The following TRIM25 variants were observed in gnomAD, a reference collection of about 807,000 sequenced individuals.
The protein encoded by TRIM25 is E3 ubiquitin/ISG15 ligase TRIM25.
TRIM25 carries 45 observed loss-of-function variants against 65.2 expected under a neutral mutation model. The observed-to-expected ratio is 0.69, with a 90% CI of 0.54 to 0.89. The LOEUF (loss-of-function observed/expected upper bound fraction) is 0.89, where lower values mean the gene tolerates loss of function less well. TRIM25 is among the 40% of genes least tolerant of loss of function. The pLI, the probability that TRIM25 is intolerant of heterozygous loss-of-function variation, is 0.00. For synonymous variants in TRIM25, 321 were observed against 340.4 expected (o/e 0.94, Z 0.63); for missense variants, 714 against 803.7 (o/e 0.89, Z 1.35).
intron 4 of TRIM25, among the ~76,000 whole-genome samples, chr17:56,900,780 C>G (rs1373674559): frequency 6.6e-6 from 1 of 152,160 alleles, no homozygotes; most frequent in Admixed American, 6.5e-5. Context: ...GCATCTAGAC[C>G]AGGGTCAAGG....
At chr17:56,900,213 C>A (rs1294816270) in intron 4 of TRIM25, among the ~76,000 whole-genome samples, 5 of 145,410 alleles carry the variant, frequency 3.4e-5, no homozygotes, top group African/African-American at 2.5e-5. Flanking sequence ...GACTCCGTCT[C>A]AAAAAAAAAA....
chr17:56,904,912 C>T (rs941380068), intron 2 of TRIM25, among the ~76,000 whole-genome samples: 1 of 152,136 alleles, frequency 6.6e-6, no homozygotes, highest in South Asian at 2.1e-4. Context: ...GAGAGAAAAA[C>T]AACTTGCAGA....
rs140281156 is a variant in TRIM25, at chr17:56,895,882, G to A, written c.1180+44C>T. On this transcript the variant is annotated intron_variant, in intron 6 of 8. Coordinates refer to ENST00000316881, the MANE Select transcript of TRIM25 (RefSeq NM_005082.5). ...ACTACCAGCATTTAGTTCTGTGCTC[G>A]GGCAGTCTCAAGAAACGAACAGTTG... 552 of 1,607,398 alleles carry A rather than the reference G, an allele frequency of 3.4e-4. 1 individual carries two copies. Among genetic ancestry groups the A allele is most frequent in the Non-Finnish European group, 4.2e-4 (495 of 1,177,434 alleles).
chr17:56,913,779 G>A lies in TRIM25; in HGVS notation c.210C>T (p.Cys70=), dbSNP rs756673276. ...CCTGCAGGAACTGCTCCACCACGTT[G>A]CACAGCACCGTGTTCTTGTGCAGCT... ...RPQLHKNTVL[C]NVVEQFLQAD... The change falls in exon 1 of 9, where the codon TGC becomes TGT. Residue 70 remains cysteine (C), a synonymous_variant. Coordinates refer to ENST00000316881, the MANE Select transcript of TRIM25 (RefSeq NM_005082.5). The surrounding 1 kb of genome is among the most constrained non-coding windows in gnomAD (Gnocchi z 6.1). The A allele has an allele frequency of 1.6e-4, 243 of 1,558,214 alleles. 2 individuals carry two copies. In the Middle Eastern group the frequency reaches 6.8e-3, roughly 44 times the overall value.
At chr17:56,905,449 A>G (rs1333430913) in intron 2 of TRIM25, among the ~76,000 whole-genome samples, 1 of 152,238 alleles carries the variant, frequency 6.6e-6, no homozygotes, top group East Asian at 1.9e-4. Context: ...CTAGGATTGT[A>G]CTTTCCAATA....
Position 56,913,238 on chromosome 17 carries a change from A to T in TRIM25, c.597+154T>A, listed in dbSNP as rs1237745923. Reference sequence around the variant, plus strand: ...ATGGGAAGGGACTATATAATCTCCCATCCCCTTTCTACTCTGACATTGGAG... The same window carrying T: ...ATGGGAAGGGACTATATAATCTCCCTTCCCCTTTCTACTCTGACATTGGAG... On this transcript the variant is annotated intron_variant, in intron 1 of 8. Transcript: ENST00000316881. The surrounding 1 kb of genome is among the most constrained non-coding windows in gnomAD (Gnocchi z 6.1). 8 of 605,576 alleles carry T rather than the reference A, an allele frequency of 1.3e-5. No homozygotes were observed. The highest frequency in any genetic ancestry group is 2.2e-5 in the Non-Finnish European group (8 of 364,752). The allele number at this position is 605,576 out of a possible 1,614,324, so 37.5% of individuals were successfully genotyped here.
At chr17:56,895,466 T>C in intron 7 of TRIM25, 25 bp from the exon 8 acceptor site, 2 of 1,613,892 alleles carry the variant, frequency 1.2e-6, no homozygotes, top group East Asian at 2.2e-5. Context: ...AGAGAGTGAT[T>C]TGCAGAACAA....
rs775499448 is a variant in TRIM25, at chr17:56,892,022, C to T, written c.1571G>A (p.Cys524Tyr). ...GCTTCCGTAGCAGATGCCTACCCCA[C>T]AGAAGTTGTTCTTCTGCAGCTCCAC... ...WEVELQKNNF[C>Y]GVGICYGSMN... The change falls in exon 9 of 9, where the codon TGT (cysteine) becomes TAT (tyrosine). Residue 524 changes from cysteine (C) to tyrosine (Y), a missense_variant. Physicochemically the swap from Cys to Tyr is radical, Grantham distance 194. Coordinates refer to ENST00000316881, the MANE Select transcript of TRIM25 (RefSeq NM_005082.5). The T allele has an allele frequency of 2.5e-6, 4 of 1,614,222 alleles. No individual in the cohort carries two copies. Among genetic ancestry groups the T allele is most frequent in the East Asian group, 2.2e-5 (1 of 44,880 alleles).
chr17:56,892,039 C>T lies in TRIM25; in HGVS notation c.1554G>A (p.Leu518=). 1 of 1,614,188 alleles carries T rather than the reference C, an allele frequency of 6.2e-7. No individual in the cohort carries two copies. Among genetic ancestry groups the T allele is most frequent in the Non-Finnish European group, 8.5e-7 (1 of 1,180,028 alleles). Residue 518 remains leucine (L), a synonymous_variant, in exon 9 of 9, where the codon CTG becomes CTA. Coordinates refer to ENST00000316881, the MANE Select transcript of TRIM25 (RefSeq NM_005082.5). ...CTACCCCACAGAAGTTGTTCTTCTGCAGCTCCACCTCCCAGTAGTGGATCC... is the reference window on the plus strand; with the variant it reads ...CTACCCCACAGAAGTTGTTCTTCTGTAGCTCCACCTCCCAGTAGTGGATCC... The part of the protein sequence containing the change: ...KKGIHYWEVE[L]QKNNFCGVGI...
At chr17:56,911,224 T>C (rs1909621402) in intron 1 of TRIM25, among the ~76,000 whole-genome samples, 1 of 151,924 alleles carries the variant, frequency 6.6e-6, no homozygotes, top group African/African-American at 2.4e-5. Flanking sequence ...GCTATGATCA[T>C]GCTACTGTAG....
At position 56,891,867 on chromosome 17, in the gene TRIM25, G is replaced by A. The variant is rs752961752; in HGVS notation, c.1726C>T (p.Arg576Trp). Reference sequence around the variant, plus strand: ...TCACAGTTGAGAAGCACGCCCACCCGCGTGGCCTTGGTGGAGGGCAGGGTT... The same window carrying A: ...TCACAGTTGAGAAGCACGCCCACCCACGTGGCCTTGGTGGAGGGCAGGGTT... ...EKTLPSTKAT[R>W]VGVLLNCDHG... Residue 576 changes from arginine to tryptophan, a missense_variant, in exon 9 of 9, where the codon CGG (arginine) becomes TGG (tryptophan). By Grantham distance (101) the Arg-to-Trp change is moderately radical. Transcript: ENST00000316881. The A allele has an allele frequency of 2.5e-6, 4 of 1,614,262 alleles. No homozygotes were observed. Among genetic ancestry groups the A allele is most frequent in the East Asian group, 4.5e-5 (2 of 44,890 alleles).
chr17:56,908,423 C>A, intron 2 of TRIM25, 45 bp downstream of exon 2: 1 of 1,595,104 alleles, frequency 6.3e-7, no homozygotes, highest in Non-Finnish European at 8.6e-7. Context: ...GGAAGCTGAG[C>A]GAAGCCACAG....
At chr17:56,899,232 G>T (rs773381666) in intron 4 of TRIM25, 52 bp from the exon 5 acceptor site, 1 of 1,604,932 alleles carries the variant, frequency 6.2e-7, no homozygotes. Context: ...ACTGACCCTA[G>T]CAGCCAGCTT....
In TRIM25 at chr17:56,899,151, T is replaced by C. The variant is rs148989739; in HGVS notation, c.1117A>G (p.Thr373Ala). Residue 373 changes from threonine to alanine, a missense_variant, in exon 5 of 9, where the codon ACA becomes GCA. Transcript: ENST00000316881. Reference sequence around the variant, plus strand: ...TTCACAGGGCGTGTGGATTTGTGTGTGGACGCTGGGTCATGCTCTCCAGGG... The same window carrying C: ...TTCACAGGGCGTGTGGATTTGTGTGCGGACGCTGGGTCATGCTCTCCAGGG... ...GDPGEHDPAS[T>A]HKSTRPVKKV... 34 of 1,613,880 alleles carry C rather than the reference T, an allele frequency of 2.1e-5. No individual in the cohort carries two copies. In the African/African-American group the frequency reaches 3.9e-4, roughly 18 times the overall value.
At chr17:56,903,152 G>A (rs889228669) in intron 3 of TRIM25, among the ~76,000 whole-genome samples, 1 of 152,192 alleles carries the variant, frequency 6.6e-6, no homozygotes, top group African/African-American at 2.4e-5. Flanking sequence ...TGTAATCTCA[G>A]CACTTTGGGA....
At chr17:56,893,147 G>A (rs1909216787) in intron 8 of TRIM25, among the ~76,000 whole-genome samples, 1 of 152,204 alleles carries the variant, frequency 6.6e-6, no homozygotes, top group African/African-American at 2.4e-5. Flanking sequence ...CAGGAGAAGG[G>A]AAACATGTTG....
At chr17:56,895,032 C>T (rs370733651) in intron 8 of TRIM25, among the ~76,000 whole-genome samples, 2 of 152,136 alleles carry the variant, frequency 1.3e-5, no homozygotes, top group Admixed American at 6.5e-5. Flanking sequence ...CGGTGAAGGC[C>T]GGTGACCGCA....
chr17:56,904,513 G>A (rs1909482645), intron 2 of TRIM25, 25 bp from the exon 3 acceptor site: 1 of 1,608,900 alleles, frequency 6.2e-7, no homozygotes, highest in Non-Finnish European at 8.5e-7. Context: ...GTAAGAGGAT[G>A]CCCGTCAAAG....
Position 56,888,791 on chromosome 17 carries a change from A to ACCCTTGGGAG in TRIM25, c.*2899_*2908dup, listed in dbSNP as rs1219552081. 6.6e-6 allele frequency: 1 copy of ACCCTTGGGAG among 151,960 alleles called. No individual in the cohort carries two copies. Among genetic ancestry groups the ACCCTTGGGAG allele is most frequent in the Non-Finnish European group, 1.5e-5 (1 of 68,022 alleles). The allele number at this position is 151,960 out of a possible 1,614,324, so 9.4% of individuals were successfully genotyped here. On this transcript the variant is annotated 3_prime_UTR_variant, in exon 9 of 9. Transcript: ENST00000316881. ...TGGCTATAGGTCTGCAGAAATCTCA[A>ACCCTTGGGAG]CCCTTGGGAGCCCTTGGGTGGGGCC...
Sources: allele counts gnomAD v4.1 joint callset (sites outside exome capture counted in the v4.1 genomes callset), GRCh38; gene constraint gnomAD v4.1.1; non-coding constraint Gnocchi (gnomAD v3.1); transcripts MANE v1.5; gene names NCBI Gene and HGNC (gene_info 2026-07-23, HGNC 2026-07-21).